SLCO3A1: variants seen among roughly 807,000 people sequenced by gnomAD.
SLCO3A1 encodes the protein solute carrier organic anion transporter family member 3A1.
Under a neutral mutation model 63.1 loss-of-function variants are expected in SLCO3A1, and 27 were observed. The observed-to-expected ratio is 0.43, with a 90% CI of 0.32 to 0.59. The LOEUF is 0.59. Among genes scored for constraint, SLCO3A1 ranks in the 20% least tolerant of loss-of-function variants. SLCO3A1 has a pLI of 0.09. For synonymous variants in SLCO3A1, 473 were observed against 409.9 expected, an observed-to-expected ratio of 1.15 and a Z score of -1.86; for missense variants, 773 against 945.8, an observed-to-expected ratio of 0.82 and a Z score of 2.40.
At chr15:92,076,349 C>G (rs2047276559) in intron 2 of SLCO3A1, among the ~76,000 whole-genome samples, 1 of 143,712 alleles carries the variant, frequency 7.0e-6, no homozygotes, top group Non-Finnish European at 1.5e-5. Context: ...AACCCTGCCT[C>G]TAGATAGGAG....
chr15:92,012,836 T>C (rs548856857), intron 2 of SLCO3A1, among the ~76,000 whole-genome samples: 184 of 150,774 alleles, frequency 1.2e-3, no homozygotes, highest in Admixed American at 4.2e-3. Flanking sequence ...CCCAAGGAGC[T>C]AGAGAAAGAA....
intron 7 of SLCO3A1, among the ~76,000 whole-genome samples, chr15:92,143,469 A>AATATATAT (rs1324933371): frequency 1.4e-4 from 3 of 21,194 alleles, no homozygotes; most frequent in Admixed American, 1.3e-3. Context: ...AATATATATA[A>AATATATAT]ATATATATAT....
intron 5 of SLCO3A1, 68 bp from the exon 6 acceptor site, chr15:92,125,993 T>G: frequency 7.2e-7 from 1 of 1,392,856 alleles, no homozygotes; most frequent in Non-Finnish European, 1.0e-6. Flanking sequence ...TCAGGCCTGC[T>G]GCCCGCCTGT....
At chr15:91,925,418 T>A (rs1898977557) in intron 2 of SLCO3A1, among the ~76,000 whole-genome samples, 1 of 152,114 alleles carries the variant, frequency 6.6e-6, no homozygotes, top group African/African-American at 2.4e-5. Context: ...AGTGTTAAAA[T>A]GCCTCACAGA....
intron 2 of SLCO3A1, among the ~76,000 whole-genome samples, chr15:91,999,148 G>A (rs549328170): frequency 6.6e-6 from 1 of 152,332 alleles, no homozygotes; most frequent in Admixed American, 6.5e-5. Context: ...GGGGTAGGGT[G>A]TGGGGAAAAG....
At chr15:91,906,083 G>A (rs1195274241) in intron 1 of SLCO3A1, among the ~76,000 whole-genome samples, 1 of 152,200 alleles carries the variant, frequency 6.6e-6, no homozygotes, top group Admixed American at 6.5e-5. Flanking sequence ...TTCCTCATCT[G>A]TAGAATGGGA....
At chr15:92,097,656 G>A (rs1030715022) in intron 3 of SLCO3A1, among the ~76,000 whole-genome samples, 5 of 152,194 alleles carry the variant, frequency 3.3e-5, no homozygotes, top group Admixed American at 1.3e-4. Context: ...AGTTGATAGC[G>A]GACTTCCCTT....
At position 92,137,388 on chromosome 15, in the gene SLCO3A1, G is replaced by C. The variant is rs1361135258; in HGVS notation, c.1512+8899G>C. Among the ~76,000 whole-genome samples the C allele has an allele frequency of 4.1e-5, 4 of 97,824 alleles. 1 individual carries two copies. The highest frequency in any genetic ancestry group is 1.2e-4 in the African/African-American group (2 of 16,826). The allele number at this position is 97,824 out of a possible 152,430, so 64.2% of individuals were successfully genotyped here. A position where few individuals can be genotyped will look rare whatever the true frequency, so the allele number is the denominator to read the frequency against. ...CAGTCTATCATTGTTGGACATTTGG[G>C]TTGGTTCCAAGTCTTTGCTATTGTG... On this transcript the variant is annotated intron_variant, in intron 7 of 9. Transcript: ENST00000318445.
Position 92,104,347 on chromosome 15 carries a change from G to A in SLCO3A1, c.814G>A (p.Gly272Ser), listed in dbSNP as rs1195348855. ...CTGGTGGGGTGGCTTTCTGCTCTGC[G>A]GTGCCTTACTCTTCTTCTCTTCCCT... ...GAWWGGFLLC[G>S]ALLFFSSLLM... is the part of the protein sequence containing the mutation. Residue 272 changes from glycine (G) to serine (S), a missense_variant, in exon 4 of 10, where the codon GGT becomes AGT. Transcript: ENST00000318445. 4.3e-6 allele frequency: 7 copies of A among 1,614,122 alleles called. No individual in the cohort carries two copies. Among genetic ancestry groups the A allele is most frequent in the Admixed American group, 3.3e-5 (2 of 60,020 alleles).
intron 2 of SLCO3A1, among the ~76,000 whole-genome samples, chr15:92,011,836 A>T (rs2046372191): frequency 6.6e-6 from 1 of 152,248 alleles, no homozygotes; most frequent in South Asian, 2.1e-4. Flanking sequence ...GCAGCCCTCT[A>T]GTGATGTGAA....
intron 1 of SLCO3A1, among the ~76,000 whole-genome samples, chr15:91,907,104 T>A (rs1898330110): frequency 6.6e-6 from 1 of 152,102 alleles, no homozygotes; most frequent in Non-Finnish European, 1.5e-5. Context: ...AAATGGAGTA[T>A]AGAGGAAACA....
intron 2 of SLCO3A1, among the ~76,000 whole-genome samples, chr15:91,990,743 C>T (rs1321715531): frequency 6.6e-6 from 1 of 152,180 alleles, no homozygotes; most frequent in Admixed American, 6.5e-5. Context: ...CATGATCAGA[C>T]CCTTCCTGAC....
rs906440822 is a variant in SLCO3A1, at chr15:91,953,471, G to GT, written c.646+37015dup. 2.4e-4 allele frequency among the ~76,000 whole-genome samples: 36 copies of GT among 152,278 alleles called. 1 individual carries two copies. Among genetic ancestry groups the GT allele is most frequent in the Admixed American group, 2.0e-3 (30 of 15,306 alleles). On this transcript the variant is annotated intron_variant, in intron 2 of 9. Transcript: ENST00000318445. ...AGGCCTCTTGGGGAGGCTTAGGAGA[G>GT]TTACCCACAGGAAGGGAGAGCCTGC...
Position 91,944,319 on chromosome 15 carries a change from T to A in SLCO3A1, c.646+27861T>A, listed in dbSNP as rs1899726525. Among the ~76,000 whole-genome samples the A allele has an allele frequency of 5.3e-5, 8 of 152,126 alleles. No homozygotes were observed. The South Asian group carries it at 1.7e-3, about 32-fold the overall frequency. On this transcript the variant is annotated intron_variant, in intron 2 of 9. Coordinates refer to ENST00000318445, the MANE Select transcript of SLCO3A1 (RefSeq NM_013272.4). ...TTTGGAATGTGAGCCCCTTACAGAT[T>A]CAGTACCTGATTTCTGGGCTTCGAG...
At chr15:92,104,671 A>G in intron 4 of SLCO3A1, 129 bp downstream of exon 4, 4 of 927,260 alleles carry the variant, frequency 4.3e-6, no homozygotes, top group Non-Finnish European at 6.3e-6. Context: ...ATTGGCTTGC[A>G]TGGCTGGCCT....
At chr15:92,024,415 T>C (rs1463201696) in intron 2 of SLCO3A1, among the ~76,000 whole-genome samples, 1 of 152,248 alleles carries the variant, frequency 6.6e-6, no homozygotes, top group Non-Finnish European at 1.5e-5. Context: ...GGACATACTG[T>C]GCTGTCTAAC....
At chr15:92,126,396 TC>T in intron 6 of SLCO3A1, 137 bp downstream of exon 6, 1 of 676,242 alleles carries the variant, frequency 1.5e-6, no homozygotes. Flanking sequence ...CATCTTACTG[TC>T]CACGTTGGAG....
At position 92,070,797 on chromosome 15, in the gene SLCO3A1, T is replaced by A. The variant is rs1162089464; in HGVS notation, c.647-24084T>A. On this transcript the variant is annotated intron_variant, in intron 2 of 9. Transcript: ENST00000318445. ...TAGTGAGAGGTATCTGTGCCTTCATTCTTCTAGTCTATTCTCTCTACTTTT... is the reference window on the plus strand; with the variant it reads ...TAGTGAGAGGTATCTGTGCCTTCATACTTCTAGTCTATTCTCTCTACTTTT... Among the ~76,000 whole-genome samples the A allele has an allele frequency of 2.6e-5, 4 of 152,126 alleles. 1 individual carries two copies. The highest frequency in any genetic ancestry group is 2.6e-4 in the Admixed American group (4 of 15,282).
At chr15:91,910,379 C>T (rs1898446574) in intron 1 of SLCO3A1, among the ~76,000 whole-genome samples, 1 of 152,228 alleles carries the variant, frequency 6.6e-6, no homozygotes, top group Non-Finnish European at 1.5e-5. Context: ...AGACTGTAAA[C>T]TCCTACAAGG....
Sources: gnomAD v4.1 joint callset for allele counts (sites outside exome capture counted in the v4.1 genomes callset) on GRCh38, gnomAD v4.1.1 for gene constraint, MANE v1.5 for transcripts, NCBI Gene and HGNC (gene_info 2026-07-23, HGNC 2026-07-21) for gene names.